Variants in LCLAT1 observed in about 807,000 individuals in gnomAD.
LCLAT1 encodes lysocardiolipin acyltransferase 1.
LCLAT1 carries 11 observed loss-of-function variants against 30.7 expected under a neutral mutation model. The observed-to-expected ratio is 0.36, with a 90% CI of 0.23 to 0.59. The LOEUF (loss-of-function observed/expected upper bound fraction) is 0.59. Among genes scored for constraint, LCLAT1 ranks in the 20% least tolerant of loss-of-function variants. The probability of loss-of-function intolerance (pLI) is 0.77; values close to 1 mark genes in which losing one functional copy is unlikely to be tolerated. For missense variants in LCLAT1, 402 were observed against 458.6 expected (o/e 0.88, Z 1.13); for synonymous variants, 155 against 151.3 (o/e 1.02, Z -0.18).
chr2:30,499,548 C>G (rs1684268823), intron 1 of LCLAT1, among the ~76,000 whole-genome samples: 1 of 152,076 alleles, frequency 6.6e-6, no homozygotes, highest in Non-Finnish European at 1.5e-5. Flanking sequence ...GTTTCGTGGT[C>G]CAGAAGTTTG....
chr2:30,550,274 T>TA (rs1664623280), intron 3 of LCLAT1, among the ~76,000 whole-genome samples: 1 of 152,220 alleles, frequency 6.6e-6, no homozygotes, highest in Non-Finnish European at 1.5e-5. Context: ...TCTTATATGG[T>TA]ATATCTGTTG....
chr2:30,633,382 A>G (rs1165056727), intron 5 of LCLAT1, among the ~76,000 whole-genome samples: 1 of 152,232 alleles, frequency 6.6e-6, no homozygotes, highest in Non-Finnish European at 1.5e-5. Context: ...AGGTGTTAAA[A>G]TGTAATCTTA....
chr2:30,592,293 C>G (rs1404933665), intron 5 of LCLAT1, among the ~76,000 whole-genome samples: 1 of 152,062 alleles, frequency 6.6e-6, no homozygotes, highest in Non-Finnish European at 1.5e-5. Context: ...CCAAACTGGG[C>G]AACATAGGGA....
intron 1 of LCLAT1, among the ~76,000 whole-genome samples, chr2:30,466,382 A>G (rs549860020): frequency 5.3e-5 from 8 of 152,068 alleles, no homozygotes; most frequent in South Asian, 2.1e-4. Flanking sequence ...GCATGAGTCA[A>G]TGTGCCTGAC....
At position 30,640,102 on chromosome 2, in the gene LCLAT1, C is replaced by CT; in HGVS notation, c.629-11dup. The CT allele has an allele frequency of 6.3e-7, 1 of 1,596,386 alleles. No individual in the cohort carries two copies. The highest frequency in any genetic ancestry group is 2.2e-5 in the East Asian group (1 of 44,810). ...AGCACTGCTTAATCTATGTTTTCAT[C>CT]TTTTCGAAACCCAGGTAAGAACCTT... is the stretch of plus-strand genomic sequence containing the variant. On this transcript the variant is annotated splice_polypyrimidine_tract_variant and intron_variant, in intron 5 of 5. Coordinates refer to ENST00000379509, the MANE Select transcript of LCLAT1 (RefSeq NM_001002257.3).
At chr2:30,499,806 T>C (rs1684283773) in intron 1 of LCLAT1, among the ~76,000 whole-genome samples, 1 of 152,240 alleles carries the variant, frequency 6.6e-6, no homozygotes, top group African/African-American at 2.4e-5. Flanking sequence ...CTTCATGATA[T>C]TTTATTACCA....
intron 5 of LCLAT1, among the ~76,000 whole-genome samples, chr2:30,578,216 A>G (rs965121269): frequency 1.6e-4 from 25 of 152,128 alleles, no homozygotes; most frequent in African/African-American, 5.1e-4. Context: ...AGAAATTCTG[A>G]TAACTTGTGA....
At chr2:30,507,906 A>T (rs1372422959) in intron 1 of LCLAT1, among the ~76,000 whole-genome samples, 1 of 152,214 alleles carries the variant, frequency 6.6e-6, no homozygotes, top group Non-Finnish European at 1.5e-5. Context: ...TTACACTCCC[A>T]CCAGTAGCAT....
chr2:30,616,053 A>C (rs1192420598), intron 5 of LCLAT1, among the ~76,000 whole-genome samples: 1 of 152,194 alleles, frequency 6.6e-6, no homozygotes, highest in Non-Finnish European at 1.5e-5. Flanking sequence ...GGCCAGTTTC[A>C]TCTATAAGAA....
chr2:30,505,205 G>A (rs993165367), intron 1 of LCLAT1, among the ~76,000 whole-genome samples: 2 of 152,034 alleles, frequency 1.3e-5, no homozygotes, highest in African/African-American at 2.4e-5. Context: ...GGGAATTAAT[G>A]ATATTCAGAA....
chr2:30,475,281 G>T (rs1682992084), intron 1 of LCLAT1, among the ~76,000 whole-genome samples: 1 of 152,120 alleles, frequency 6.6e-6, no homozygotes, highest in African/African-American at 2.4e-5. Flanking sequence ...TTACAAAATT[G>T]AGTCATGGTC....
chr2:30,470,421 T>C (rs1682716870), intron 1 of LCLAT1, among the ~76,000 whole-genome samples: 2 of 152,198 alleles, frequency 1.3e-5, no homozygotes, highest in Admixed American at 1.3e-4. Flanking sequence ...CTTTTGTTAT[T>C]TTTTACAAAG....
chr2:30,621,228 CAA>C (rs1489330389), intron 5 of LCLAT1, among the ~76,000 whole-genome samples: 4 of 152,080 alleles, frequency 2.6e-5, no homozygotes, highest in African/African-American at 9.7e-5. Flanking sequence ...TGAATTTAAA[CAA>C]AAAGTTACTA....
chr2:30,551,299 G>A (rs115411105), intron 3 of LCLAT1, among the ~76,000 whole-genome samples: 4 of 152,270 alleles, frequency 2.6e-5, no homozygotes, highest in East Asian at 3.9e-4. Flanking sequence ...GAGCCACTGC[G>A]CCTAGCCTGG....
chr2:30,546,780 C>A (rs1664432104), intron 3 of LCLAT1, among the ~76,000 whole-genome samples: 1 of 152,088 alleles, frequency 6.6e-6, no homozygotes, highest in Non-Finnish European at 1.5e-5. Context: ...CCAGCTTCCT[C>A]CTACTTAAAA....
chr2:30,525,733 C>A lies in LCLAT1; in HGVS notation c.143C>A (p.Ala48Glu), dbSNP rs183623684. 1.9e-6 allele frequency: 3 copies of A among 1,614,094 alleles called. No homozygotes were observed. ...WYRWINNRLV[A>E]TWLTLPVALL... The stretch of plus-strand genomic sequence containing the variant: ...CGCTGGATCAACAACCGCCTTGTGG[C>A]AACATGGCTCACCCTACCTGTGGTA... Residue 48 changes from alanine to glutamate, a missense_variant, in exon 2 of 6, where the codon GCA becomes GAA. By Grantham distance (107) the Ala-to-Glu change is moderately radical. Transcript: ENST00000379509.
At chr2:30,502,007 G>A (rs909586820) in intron 1 of LCLAT1, among the ~76,000 whole-genome samples, 16 of 152,114 alleles carry the variant, frequency 1.1e-4, no homozygotes, top group East Asian at 5.8e-4. Flanking sequence ...TTTTCTCTTC[G>A]GAACAGATGT....
chr2:30,587,417 T>C (rs1399184638), intron 5 of LCLAT1, among the ~76,000 whole-genome samples: 1 of 152,244 alleles, frequency 6.6e-6, no homozygotes, highest in Non-Finnish European at 1.5e-5. Context: ...CTATTTGTTA[T>C]TGTTAAATTT....
chr2:30,482,279 C>G (rs1180879283), intron 1 of LCLAT1, among the ~76,000 whole-genome samples: 1 of 152,070 alleles, frequency 6.6e-6, no homozygotes, highest in Non-Finnish European at 1.5e-5. Context: ...GAATTTTAAT[C>G]AGTGTAGGTT....
Sources: gnomAD v4.1 joint callset for allele counts (sites outside exome capture counted in the v4.1 genomes callset) on GRCh38, gnomAD v4.1.1 for gene constraint, MANE v1.5 for transcripts, NCBI Gene and HGNC (gene_info 2026-07-23, HGNC 2026-07-21) for gene names.